The following ASB3 variants were observed in gnomAD, a reference collection of about 807,000 sequenced individuals.
ASB3 encodes ankyrin repeat and SOCS box containing 3.
Under a neutral mutation model 54.5 loss-of-function variants are expected in ASB3, and 41 were observed. That is an observed-to-expected ratio of 0.75 (90% CI 0.59 to 0.98). ASB3 has a LOEUF of 0.98. Among genes scored for constraint, ASB3 ranks in the 50% least tolerant of loss-of-function variants. The pLI is 0.00. For missense variants in ASB3, 733 were observed against 620.0 expected (o/e 1.18, Z -1.94); for synonymous variants, 266 against 221.2 (o/e 1.20, Z -1.80).
chr2:53,721,736 CAGAA>C (rs1303955323), intron 5 of ASB3, among the ~76,000 whole-genome samples: 4 of 151,892 alleles, frequency 2.6e-5, no homozygotes, highest in African/African-American at 9.7e-5. Flanking sequence ...ACATCTAGCT[CAGAA>C]AGAAAGATCT....
At chr2:53,748,482 C>T (rs564721970) in intron 3 of ASB3, 1 of 152,298 alleles carries the variant, frequency 6.6e-6, no homozygotes, top group Admixed American at 6.5e-5. Flanking sequence ...TAAACCAAAG[C>T]TTCCATGAAA....
chr2:53,785,388 T>C (rs1172261142), intron 1 of ASB3, among the ~76,000 whole-genome samples: 1 of 152,136 alleles, frequency 6.6e-6, no homozygotes, highest in Non-Finnish European at 1.5e-5. Flanking sequence ...AATACATCTC[T>C]TTTCCTTCAT....
At chr2:53,763,232 A>C (rs1041581053) in intron 2 of ASB3, among the ~76,000 whole-genome samples, 1 of 152,150 alleles carries the variant, frequency 6.6e-6, no homozygotes, top group African/African-American at 2.4e-5. Flanking sequence ...GGTGGTGTGC[A>C]CCTGTAGTCC....
At chr2:53,685,211 G>A (rs1668574052) in intron 9 of ASB3, among the ~76,000 whole-genome samples, 1 of 152,092 alleles carries the variant, frequency 6.6e-6, no homozygotes, top group African/African-American at 2.4e-5. Flanking sequence ...GAATAATAGA[G>A]GCTGAGCACT....
At position 53,736,494 on chromosome 2, in the gene ASB3, C is replaced by T. The variant is rs182203488; in HGVS notation, c.356-6924G>A. 1.6e-3 allele frequency among the ~76,000 whole-genome samples: 241 copies of T among 151,148 alleles called. 1 individual carries two copies. Among genetic ancestry groups the T allele is most frequent in the African/African-American group, 5.4e-3 (221 of 41,116 alleles). On this transcript the variant is annotated intron_variant, in intron 3 of 9. Transcript: ENST00000263634. ...CAGGCGGATCGCGAGGTCAGGAAAT[C>T]GAGACCATCCTGGCTAACACGGTGA...
intron 3 of ASB3, among the ~76,000 whole-genome samples, chr2:53,743,192 G>C (rs1375980850): frequency 6.1e-5 from 9 of 148,674 alleles, no homozygotes; most frequent in African/African-American, 9.9e-5. Context: ...TGCAGAGATG[G>C]GGTGGTCTCA....
intron 7 of ASB3, among the ~76,000 whole-genome samples, chr2:53,709,053 G>A (rs1268345061): frequency 3.9e-5 from 6 of 152,228 alleles, no homozygotes; most frequent in Non-Finnish European, 8.8e-5. Context: ...GGAGGCAAGT[G>A]CTAATAGCCA....
At chr2:53,751,326 C>T (rs1044980610) in intron 2 of ASB3, among the ~76,000 whole-genome samples, 1 of 152,046 alleles carries the variant, frequency 6.6e-6, no homozygotes, top group African/African-American at 2.4e-5. Flanking sequence ...TTTTAAATTT[C>T]TATAAGGGAA....
At chr2:53,710,437 C>T (rs1339312945) in intron 7 of ASB3, among the ~76,000 whole-genome samples, 1 of 152,148 alleles carries the variant, frequency 6.6e-6, no homozygotes, top group African/African-American at 2.4e-5. Flanking sequence ...ATAAGAGCTG[C>T]TTTCAATTAT....
chr2:53,710,343 C>T (rs777637425), intron 7 of ASB3, among the ~76,000 whole-genome samples: 15 of 152,072 alleles, frequency 9.9e-5, no homozygotes, highest in African/African-American at 3.1e-4. Context: ...TGTATTTTTC[C>T]GTCTTTTTTA....
intron 9 of ASB3, among the ~76,000 whole-genome samples, chr2:53,691,985 A>G (rs1302230078): frequency 6.6e-6 from 1 of 152,116 alleles, no homozygotes; most frequent in Non-Finnish European, 1.5e-5. Context: ...AGATTTCTCA[A>G]CCTCGGCGCT....
intron 1 of ASB3, chr2:53,768,395 T>A (rs551897520): frequency 5.4e-6 from 1 of 184,138 alleles, no homozygotes; most frequent in Admixed American, 6.1e-5. Context: ...AGAGTTGAAA[T>A]AGTAAATCAA....
intron 7 of ASB3, 82 bp downstream of exon 7, chr2:53,714,302 C>T (rs1235707323): frequency 6.0e-6 from 9 of 1,510,188 alleles, no homozygotes; most frequent in African/African-American, 1.4e-5. Flanking sequence ...TACTAAGTTT[C>T]ATCGTGAAAG....
intron 1 of ASB3, among the ~76,000 whole-genome samples, chr2:53,773,811 G>A (rs1674125293): frequency 6.6e-6 from 1 of 151,598 alleles, no homozygotes; most frequent in South Asian, 2.1e-4. Flanking sequence ...GAGGCAGGTG[G>A]ATCACTTGAG....
chr2:53,742,254 A>C (rs566859019), intron 3 of ASB3, among the ~76,000 whole-genome samples: 1 of 152,302 alleles, frequency 6.6e-6, no homozygotes, highest in African/African-American at 2.4e-5. Flanking sequence ...CCTGAGTCTA[A>C]AGGAAAACTC....
intron 1 of ASB3, among the ~76,000 whole-genome samples, chr2:53,782,564 G>C (rs1311216038): frequency 5.9e-5 from 9 of 152,122 alleles, no homozygotes; most frequent in Admixed American, 3.9e-4. Context: ...AACAGTATTT[G>C]TTTCTGGCTA....
intron 7 of ASB3, 110 bp downstream of exon 7, chr2:53,714,274 A>G (rs920957745): frequency 5.4e-5 from 73 of 1,354,736 alleles, no homozygotes; most frequent in Non-Finnish European, 7.2e-5. Context: ...CAAGATAGCA[A>G]TTTAGCACTA....
At chr2:53,771,962 T>C in intron 1 of ASB3, 1 of 1,290,162 alleles carries the variant, frequency 7.8e-7, no homozygotes, top group Non-Finnish European at 1.1e-6. Flanking sequence ...AAATATTCTT[T>C]TTTGTATAAT....
At chr2:53,773,965 G>C (rs1674142106) in intron 1 of ASB3, among the ~76,000 whole-genome samples, 1 of 152,102 alleles carries the variant, frequency 6.6e-6, no homozygotes. Context: ...AACCCGGGAG[G>C]CTGAGGTTGC....
Sources: allele counts gnomAD v4.1 joint callset (sites outside exome capture counted in the v4.1 genomes callset), GRCh38; gene constraint gnomAD v4.1.1; transcripts MANE v1.5; gene names NCBI Gene and HGNC (gene_info 2026-07-23, HGNC 2026-07-21).